SPOCK3: variants seen among roughly 807,000 people sequenced by gnomAD.
SPOCK3 encodes testican-3.
SPOCK3 carries 30 observed loss-of-function variants against 56.6 expected under a neutral mutation model. The observed-to-expected ratio is 0.53, with a 90% confidence interval of 0.40 to 0.72. The LOEUF (loss-of-function observed/expected upper bound fraction) is 0.72. Among genes scored for constraint, SPOCK3 ranks in the 30% least tolerant of loss-of-function variants. The pLI is 0.00. For missense variants in SPOCK3, 527 were observed against 530.0 expected, an observed-to-expected ratio of 0.99 and a Z score of 0.06; for synonymous variants, 196 against 183.3, an observed-to-expected ratio of 1.07 and a Z score of -0.56.
chr4:167,064,354 A>G (rs1351761056), intron 2 of SPOCK3, among the ~76,000 whole-genome samples: 1 of 151,872 alleles, frequency 6.6e-6, no homozygotes, highest in African/African-American at 2.4e-5. Flanking sequence ...AGATTAAGAA[A>G]GGATAATGCT....
chr4:167,023,778 G>C (rs1241870158), intron 3 of SPOCK3, among the ~76,000 whole-genome samples: 1 of 151,956 alleles, frequency 6.6e-6, no homozygotes, highest in Non-Finnish European at 1.5e-5. Flanking sequence ...TGGAGAAATG[G>C]GCTAGAGAAA....
intron 6 of SPOCK3, among the ~76,000 whole-genome samples, chr4:166,877,632 TAC>T (rs1733233100): frequency 6.6e-6 from 1 of 152,122 alleles, no homozygotes; most frequent in Non-Finnish European, 1.5e-5. Flanking sequence ...CATTTCAGAG[TAC>T]ACTATAATGT....
At chr4:166,862,876 A>G (rs1483689193) in intron 6 of SPOCK3, among the ~76,000 whole-genome samples, 3 of 151,926 alleles carry the variant, frequency 2.0e-5, no homozygotes, top group African/African-American at 7.2e-5. Flanking sequence ...TTATATACTT[A>G]AAATTATTCC....
intron 2 of SPOCK3, among the ~76,000 whole-genome samples, chr4:167,069,491 G>A (rs1281963277): frequency 2.6e-5 from 4 of 151,916 alleles, no homozygotes; most frequent in Non-Finnish European, 4.4e-5. Flanking sequence ...AATAAACTGT[G>A]GTTTTAAGCC....
chr4:166,827,062 A>G (rs1266413276), intron 6 of SPOCK3, among the ~76,000 whole-genome samples: 1 of 152,132 alleles, frequency 6.6e-6, no homozygotes, highest in East Asian at 1.9e-4. Context: ...AAGGAAGTAC[A>G]GACTCTGTCA....
At chr4:166,932,954 A>G (rs1579698136) in intron 4 of SPOCK3, among the ~76,000 whole-genome samples, 3 of 152,316 alleles carry the variant, frequency 2.0e-5, no homozygotes, top group African/African-American at 2.4e-5. Flanking sequence ...AATCAATGTA[A>G]GTAGCAATTT....
intron 6 of SPOCK3, among the ~76,000 whole-genome samples, chr4:166,818,415 TA>T (rs1435010278): frequency 1.3e-5 from 2 of 152,058 alleles, no homozygotes; most frequent in Non-Finnish European, 2.9e-5. Context: ...ACTAGCATTA[TA>T]GTAAAAACAT....
chr4:166,753,445 C>T (rs1008846426), intron 8 of SPOCK3, among the ~76,000 whole-genome samples: 1 of 151,788 alleles, frequency 6.6e-6, no homozygotes, highest in African/African-American at 2.4e-5. Flanking sequence ...ATTTTTTAAA[C>T]TTTGTTTAGA....
intron 6 of SPOCK3, among the ~76,000 whole-genome samples, chr4:166,887,110 A>G (rs953466976): frequency 2.6e-5 from 4 of 152,176 alleles, no homozygotes; most frequent in Non-Finnish European, 2.9e-5. Context: ...AGAAAATTTG[A>G]CAATATGAAA....
chr4:167,153,662 T>C (rs1441022140), intron 2 of SPOCK3, among the ~76,000 whole-genome samples: 1 of 152,178 alleles, frequency 6.6e-6, no homozygotes, highest in African/African-American at 2.4e-5. Flanking sequence ...CAGAAAGTCG[T>C]ATATTTCACT....
chr4:167,157,037 C>T (rs1422444180), intron 2 of SPOCK3, among the ~76,000 whole-genome samples: 6 of 151,982 alleles, frequency 3.9e-5, no homozygotes, highest in African/African-American at 1.4e-4. Flanking sequence ...TCTGTCAGTG[C>T]ATTATTCTGG....
chr4:166,845,758 A>G (rs1579403209), intron 6 of SPOCK3, among the ~76,000 whole-genome samples: 1 of 152,302 alleles, frequency 6.6e-6, no homozygotes, highest in South Asian at 2.1e-4. Context: ...TTTTAAAGCA[A>G]TGGGACAAAA....
chr4:166,850,618 CGCGAGCCAAAGCAGG>C (rs1560930315), intron 6 of SPOCK3, among the ~76,000 whole-genome samples: 1 of 152,184 alleles, frequency 6.6e-6, no homozygotes, highest in Non-Finnish European at 1.5e-5. Context: ...GTGCACCGTG[CGCGAGCCAAAGCAGG>C]GCGAGGCATT....
At chr4:167,043,749 A>G (rs1325206333) in intron 3 of SPOCK3, among the ~76,000 whole-genome samples, 1 of 151,664 alleles carries the variant, frequency 6.6e-6, no homozygotes, top group Non-Finnish European at 1.5e-5. Flanking sequence ...CTGGTTTTGA[A>G]TTATATTGAG....
intron 6 of SPOCK3, among the ~76,000 whole-genome samples, chr4:166,829,715 C>G (rs6850087): frequency 5.1e-4 from 78 of 151,814 alleles, no homozygotes; most frequent in Non-Finnish European, 6.2e-4. Context: ...GTATCATCTA[C>G]GTCTCAGATA....
At chr4:166,990,569 A>C (rs1747677031) in intron 4 of SPOCK3, among the ~76,000 whole-genome samples, 1 of 152,090 alleles carries the variant, frequency 6.6e-6, no homozygotes, top group Non-Finnish European at 1.5e-5. Context: ...GATTTTATAC[A>C]AAGTTTAAAA....
intron 2 of SPOCK3, chr4:167,083,330 T>C: frequency 3.9e-6 from 3 of 764,074 alleles, no homozygotes; most frequent in Non-Finnish European, 4.8e-6. Flanking sequence ...GCCCCACAGT[T>C]CCCCACCATG....
At chr4:167,074,723 T>C (rs965850770) in intron 2 of SPOCK3, among the ~76,000 whole-genome samples, 2 of 151,868 alleles carry the variant, frequency 1.3e-5, no homozygotes, top group Non-Finnish European at 2.9e-5. Context: ...ATTTTAGAGG[T>C]TCTCTTCCAC....
rs1299869678 is a variant in SPOCK3 at position 167,018,781 on chromosome 4, T to A, written c.236-18318A>T. ...GTTTGGTCCATTTGGAATAGCTTCA[T>A]GTTGGCTTCTATCAGCAGAGTATGC... On this transcript the variant is annotated intron_variant, in intron 3 of 10. Transcript: ENST00000357545. Among the ~76,000 whole-genome samples the A allele has an allele frequency of 2.0e-5, 3 of 152,160 alleles. No individual in the cohort carries two copies. In the East Asian group the frequency reaches 5.8e-4, roughly 30 times the overall value.
Sources: allele counts gnomAD v4.1 joint callset (sites outside exome capture counted in the v4.1 genomes callset), GRCh38; gene constraint gnomAD v4.1.1; transcripts MANE v1.5; gene names NCBI Gene and HGNC (gene_info 2026-07-23, HGNC 2026-07-21).